RTL9: variants seen among roughly 807,000 people sequenced by gnomAD.
The protein encoded by RTL9 is retrotransposon Gag like 9, also known as retrotransposon Gag-like protein 9.
In RTL9, 19 loss-of-function variants were observed where a neutral mutation model predicts 44.7. The ratio of observed to expected loss-of-function variants is 0.42; its 90% CI spans 0.30 to 0.62. The LOEUF is 0.62. RTL9 is among the 20% of genes least tolerant of loss of function. The pLI is 0.16. For synonymous variants in RTL9, 407 were observed against 398.9 expected, an observed-to-expected ratio of 1.02 and a Z score of -0.24; for missense variants, 1,105 against 1,080.6, an observed-to-expected ratio of 1.02 and a Z score of -0.32.
exon 1 of RTL9, chrX:110,452,837 C>T (rs748004235): frequency 3.0e-5 from 36 of 1,209,930 alleles, no homozygotes; most frequent in Middle Eastern, 2.3e-4. Context: ...AGTCCATGAC[C>T]GCTGGAGGGA....
chrX:110,417,717 A>AGAT (rs941405733), upstream of RTL9, among the ~76,000 whole-genome samples: 1 of 112,446 alleles, frequency 8.9e-6, no homozygotes, highest in Non-Finnish European at 1.9e-5. Context: ...GAGGTGATGA[A>AGAT]GATGATGATG....
chrX:110,390,400 GA>G (rs2068486773), intron 1 of RTL9, among the ~76,000 whole-genome samples: 2 of 112,047 alleles, frequency 1.8e-5, no homozygotes, highest in South Asian at 7.4e-4. Flanking sequence ...TAATAACTCT[GA>G]TTACCTATTT....
intron 1 of RTL9, among the ~76,000 whole-genome samples, chrX:110,410,566 T>C (rs759182586): frequency 8.9e-6 from 1 of 112,248 alleles, no homozygotes; most frequent in Non-Finnish European, 1.9e-5. Flanking sequence ...TCAAGTAGCC[T>C]GAATGACTTC....
chrX:110,433,607 CCAAACACATACA>C (rs1464357693), intron 1 of RTL9, among the ~76,000 whole-genome samples: 2 of 111,376 alleles, frequency 1.8e-5, no homozygotes, highest in African/African-American at 6.6e-5. Flanking sequence ...ATATATACAC[CCAAACACATACA>C]CAAACACATA....
At chrX:110,452,805 G>C (rs2068953008) in exon 1 of RTL9, 2 of 1,210,237 alleles carry the variant, frequency 1.7e-6, no homozygotes. Flanking sequence ...AGATCCTGGA[G>C]GGATGTCCAT....
At chrX:110,384,997 C>T (rs200656920) in intron 1 of RTL9, among the ~76,000 whole-genome samples, 2 of 110,637 alleles carry the variant, frequency 1.8e-5, no homozygotes, top group East Asian at 5.6e-4. Flanking sequence ...ACTTTGAAAG[C>T]CTAAGACTAT....
chrX:110,385,226 T>G (rs1370286914), intron 1 of RTL9, among the ~76,000 whole-genome samples: 1 of 111,559 alleles, frequency 9.0e-6, no homozygotes, highest in Non-Finnish European at 1.9e-5. Flanking sequence ...CTTACCTACC[T>G]CTTAGGGTTT....
At chrX:110,426,306 C>T (rs1309732540) in intron 1 of RTL9, among the ~76,000 whole-genome samples, 1 of 111,602 alleles carries the variant, frequency 9.0e-6, no homozygotes, top group Non-Finnish European at 1.9e-5. Flanking sequence ...TCTATCTTGT[C>T]GAACCCTCCC....
chrX:110,410,638 G>T (rs1485839370), intron 1 of RTL9, among the ~76,000 whole-genome samples: 1 of 111,807 alleles, frequency 8.9e-6, no homozygotes, highest in East Asian at 2.8e-4. Flanking sequence ...TCTCCTGGGG[G>T]TAGCAGCTTT....
chrX:110,438,612 G>A (rs2068856521), intron 1 of RTL9, among the ~76,000 whole-genome samples: 1 of 111,314 alleles, frequency 9.0e-6, no homozygotes, highest in Admixed American at 9.5e-5. Context: ...TTCCTCCCGA[G>A]ACTAGTTTTG....
At chrX:110,372,393 C>A (rs1325394069) in intron 1 of RTL9, among the ~76,000 whole-genome samples, 1 of 112,261 alleles carries the variant, frequency 8.9e-6, no homozygotes, top group Non-Finnish European at 1.9e-5. Context: ...CTGGAAGTAA[C>A]AGTGGTAATG....
At chrX:110,366,208 G>A (rs1265834754) in intron 1 of RTL9, among the ~76,000 whole-genome samples, 8 of 111,867 alleles carry the variant, frequency 7.2e-5, no homozygotes, top group Non-Finnish European at 1.3e-4. Context: ...TGTATTCCAT[G>A]GAGTACTAGT....
chrX:110,390,580 T>G (rs1206608202), intron 1 of RTL9, among the ~76,000 whole-genome samples: 2 of 111,151 alleles, frequency 1.8e-5, no homozygotes, highest in Non-Finnish European at 3.8e-5. Flanking sequence ...CTACTGTAGA[T>G]CCAAAAAACA....
chrX:110,450,738 A>G, exon 1 of RTL9: 1 of 1,211,051 alleles, frequency 8.3e-7, no homozygotes, highest in Non-Finnish European at 1.1e-6. Context: ...AGACGTACAG[A>G]TTCTGCATTC....
At chrX:110,440,500 A>G (rs2068872366) in intron 1 of RTL9, among the ~76,000 whole-genome samples, 1 of 111,893 alleles carries the variant, frequency 8.9e-6, no homozygotes, top group Non-Finnish European at 1.9e-5. Context: ...CACTTGGGTC[A>G]CGGCCTGCCT....
At chrX:110,367,973 A>T (rs375830679) in intron 1 of RTL9, among the ~76,000 whole-genome samples, 82 of 85,328 alleles carry the variant, frequency 9.6e-4, no homozygotes, top group Middle Eastern at 5.8e-3. Flanking sequence ...AGTGCTGGCT[A>T]ATTATTATTA....
rs866025415 is a variant in RTL9, at chrX:110,373,489, C to T, written c.-168+14573C>T. Among the ~76,000 whole-genome samples the T allele has an allele frequency of 1.2e-3, 132 of 111,659 alleles. 1 individual carries two copies. The highest frequency in any genetic ancestry group is 1.4e-3 in the Non-Finnish European group (73 of 53,138). Reference sequence around the variant, plus strand: ...TCCATAACTCAGAGTCCAATTCTTACGGAAGGGTTCTAACAGAAAACAGTT... The same window carrying T: ...TCCATAACTCAGAGTCCAATTCTTATGGAAGGGTTCTAACAGAAAACAGTT... On this transcript the variant is annotated intron_variant, in intron 1 of 2. Coordinates refer to the RTL9 transcript ENST00000520821.
intron 1 of RTL9, among the ~76,000 whole-genome samples, chrX:110,421,435 T>C (rs530043332): frequency 8.9e-6 from 1 of 112,813 alleles, no homozygotes; most frequent in East Asian, 2.8e-4. Context: ...ACTATGTAGA[T>C]AAGTCACGGG....
intron 1 of RTL9, among the ~76,000 whole-genome samples, chrX:110,371,697 G>T (rs1487715480): frequency 1.8e-5 from 2 of 111,177 alleles, no homozygotes; most frequent in Non-Finnish European, 3.8e-5. Context: ...TATGGAGTGG[G>T]TGCAGCTTGG....
Sources: gnomAD v4.1 joint callset for allele counts (sites outside exome capture counted in the v4.1 genomes callset) on GRCh38, gnomAD v4.1.1 for gene constraint, MANE v1.5 for transcripts, NCBI Gene and HGNC (gene_info 2026-07-23, HGNC 2026-07-21) for gene names.